Variants in ZCCHC14 observed in about 807,000 individuals in gnomAD.
ZCCHC14 encodes zinc finger CCHC domain-containing protein 14.
In ZCCHC14, 16 loss-of-function variants were observed where a neutral mutation model predicts 85.0. The observed-to-expected ratio is 0.19, with a 90% CI of 0.13 to 0.29. The LOEUF (loss-of-function observed/expected upper bound fraction) is 0.29, where lower values mean the gene tolerates loss of function less well. Among genes scored for constraint, ZCCHC14 ranks in the 10% least tolerant of loss-of-function variants. The pLI is 1.00. For missense variants in ZCCHC14, 1,303 were observed against 1,443.5 expected, an observed-to-expected ratio of 0.90 and a Z score of 1.58; for synonymous variants, 775 against 630.7, an observed-to-expected ratio of 1.23 and a Z score of -3.43.
chr16:87,411,492 G>A, intron 12 of ZCCHC14, 24 bp downstream of exon 12: 4 of 1,611,356 alleles, frequency 2.5e-6, no homozygotes, highest in Non-Finnish European at 2.5e-6. Context: ...GAGCCTGGTG[G>A]GCGCGGCCAT....
chr16:87,421,491 C>A (rs1374461487), intron 4 of ZCCHC14, among the ~76,000 whole-genome samples: 1 of 152,126 alleles, frequency 6.6e-6, no homozygotes, highest in Non-Finnish European at 1.5e-5. Context: ...TGAGGAAGTG[C>A]CACCCCGAAG....
rs933417555 is a variant in ZCCHC14, at chr16:87,491,447, C to G, written c.570+222G>C. Among the ~76,000 whole-genome samples, 15 of 151,596 alleles carry G rather than the reference C, an allele frequency of 9.9e-5. No individual in the cohort carries two copies. Among genetic ancestry groups the G allele is most frequent in the African/African-American group, 3.6e-4 (15 of 41,120 alleles). On this transcript the variant is annotated intron_variant, in intron 1 of 12. Coordinates refer to ENST00000671377, the MANE Select transcript of ZCCHC14 (RefSeq NM_015144.3). This position sits in a 1 kb window ranked among gnomAD's most constrained non-coding sequence, Gnocchi z 5.9. ...GGAGGCTTGGGATGTACGGTGGAGG[C>G]TTGGAGAGGTGGGGCACACATTTGG...
At chr16:87,470,619 A>G (rs995610117) in intron 1 of ZCCHC14, 7 of 152,220 alleles carry the variant, frequency 4.6e-5, no homozygotes, top group African/African-American at 1.7e-4. Flanking sequence ...GTTTGTGTGT[A>G]AGGAGATTTA....
chr16:87,485,434 A>C (rs1447744015), intron 1 of ZCCHC14, among the ~76,000 whole-genome samples: 2 of 152,180 alleles, frequency 1.3e-5, no homozygotes, highest in Non-Finnish European at 2.9e-5. Flanking sequence ...GACTGGAGAA[A>C]AAAATTACCT....
rs369958414 is a variant in ZCCHC14, at chr16:87,423,795, C to T, written c.840+15G>A. 72 of 1,612,458 alleles carry T rather than the reference C, an allele frequency of 4.5e-5. No homozygotes were observed. In the African/African-American group the frequency reaches 8.9e-4, roughly 20 times the overall value. On this transcript the variant is annotated intron_variant, in intron 4 of 12. Coordinates refer to ENST00000671377, the MANE Select transcript of ZCCHC14 (RefSeq NM_015144.3). The stretch of plus-strand genomic sequence containing the variant: ...TGATTCTTTTAATTTTTATAAGAGC[C>T]CTTGATTACCTTACCTTTGAAATAA...
intron 1 of ZCCHC14, among the ~76,000 whole-genome samples, chr16:87,466,192 A>G (rs572488237): frequency 7.7e-4 from 117 of 151,914 alleles, no homozygotes; most frequent in Admixed American, 1.8e-3. Context: ...AGCACCACAC[A>G]GGCTACTTTA....
chr16:87,492,810 C>T lies in ZCCHC14; in HGVS notation c.-572G>A, dbSNP rs1362476606. Among the ~76,000 whole-genome samples, 2 of 147,434 alleles carry T rather than the reference C, an allele frequency of 1.4e-5. No individual in the cohort carries two copies. Among genetic ancestry groups the T allele is most frequent in the East Asian group, 2.0e-4 (1 of 5,106 alleles). ...GGGGGCCGCGGCCGCGAAACGGACG[C>T]TGGAGGGGGAGGGACGCGCGGCGGG... is the stretch of plus-strand genomic sequence containing the variant. On this transcript the variant is annotated 5_prime_UTR_variant, in exon 1 of 13. Transcript: ENST00000671377. The surrounding 1 kb of genome is among the most constrained non-coding windows in gnomAD (Gnocchi z 6.7).
chr16:87,445,376 A>G (rs1910387044), intron 2 of ZCCHC14, among the ~76,000 whole-genome samples: 1 of 152,150 alleles, frequency 6.6e-6, no homozygotes, highest in Admixed American at 6.6e-5. Context: ...AAAATGAACC[A>G]TTTTTAAAGA....
At chr16:87,436,940 G>A (rs1015304688) in intron 2 of ZCCHC14, among the ~76,000 whole-genome samples, 2 of 152,118 alleles carry the variant, frequency 1.3e-5, no homozygotes, top group East Asian at 1.9e-4. Context: ...CTATCTGCAC[G>A]CAGACACTCA....
chr16:87,444,560 T>A (rs1189949570), intron 2 of ZCCHC14, among the ~76,000 whole-genome samples: 1 of 152,182 alleles, frequency 6.6e-6, no homozygotes, highest in African/African-American at 2.4e-5. Context: ...GTGACTGTCA[T>A]CAGTAACGGA....
intron 1 of ZCCHC14, chr16:87,472,461 C>A (rs1162647600): frequency 6.6e-6 from 1 of 152,348 alleles, no homozygotes; most frequent in Non-Finnish European, 1.5e-5. Flanking sequence ...CTCAGAGCTT[C>A]TCTCTCAACA....
intron 1 of ZCCHC14, among the ~76,000 whole-genome samples, chr16:87,460,868 C>A (rs1308616450): frequency 1.3e-5 from 2 of 152,206 alleles, no homozygotes; most frequent in Non-Finnish European, 2.9e-5. Flanking sequence ...TTAAAAACAA[C>A]AGCAAAGAAC....
intron 1 of ZCCHC14, among the ~76,000 whole-genome samples, chr16:87,484,864 G>A (rs961831769): frequency 2.0e-5 from 3 of 152,124 alleles, no homozygotes; most frequent in Admixed American, 6.5e-5. Flanking sequence ...AATACTAGAG[G>A]TCAAAGATTG....
At position 87,438,416 on chromosome 16, in the gene ZCCHC14, G is replaced by A. The variant is rs571105146; in HGVS notation, c.695-5215C>T. On this transcript the variant is annotated intron_variant, in intron 2 of 12. Coordinates refer to ENST00000671377, the MANE Select transcript of ZCCHC14 (RefSeq NM_015144.3). Reference sequence around the variant, plus strand: ...ATAAAAAGCAGCATGTTAGTTTTGTGGGCAATGTGTTTACTTTTTTAGATA... The same window carrying A: ...ATAAAAAGCAGCATGTTAGTTTTGTAGGCAATGTGTTTACTTTTTTAGATA... Among the ~76,000 whole-genome samples the A allele has an allele frequency of 4.0e-4, 61 of 152,342 alleles. 1 individual carries two copies. In the South Asian group the frequency reaches 0.012, roughly 30 times the overall value.
At chr16:87,470,687 A>G (rs1465951644) in intron 1 of ZCCHC14, 2 of 152,260 alleles carry the variant, frequency 1.3e-5, no homozygotes, top group African/African-American at 4.8e-5. Context: ...ACAGATTACT[A>G]TTGAAATAGG....
chr16:87,486,741 C>G (rs753190939), intron 1 of ZCCHC14, among the ~76,000 whole-genome samples: 1 of 152,100 alleles, frequency 6.6e-6, no homozygotes, highest in African/African-American at 2.4e-5. Flanking sequence ...ACAACAACAA[C>G]AAAAAAAGCA....
At position 87,476,384 on chromosome 16, in the gene ZCCHC14, G is replaced by A. The variant is rs1597450626; in HGVS notation, c.570+15285C>T. ...TATTTTCCTCGTAATTTTTTTAAAG[G>A]TACATTCATACTGAAGCAAACAACA... On this transcript the variant is annotated intron_variant, in intron 1 of 12. Coordinates refer to ENST00000671377, the MANE Select transcript of ZCCHC14 (RefSeq NM_015144.3). Among the ~76,000 whole-genome samples, 3 of 152,120 alleles carry A rather than the reference G, an allele frequency of 2.0e-5. No individual in the cohort carries two copies. In the East Asian group the frequency reaches 5.8e-4, roughly 29 times the overall value.
intron 1 of ZCCHC14, among the ~76,000 whole-genome samples, chr16:87,485,914 C>T (rs188327664): frequency 1.3e-4 from 20 of 152,304 alleles, no homozygotes; most frequent in Admixed American, 1.2e-3. Flanking sequence ...ACAAGACTAA[C>T]GCAGATGCCT....
intron 3 of ZCCHC14, 128 bp downstream of exon 3, chr16:87,433,000 T>C: frequency 2.7e-6 from 2 of 728,354 alleles, no homozygotes; most frequent in Non-Finnish European, 3.9e-6. Flanking sequence ...CAGGGCCAGC[T>C]TCCTATACAG....
Sources: gnomAD v4.1 joint callset for allele counts (sites outside exome capture counted in the v4.1 genomes callset) on GRCh38, gnomAD v4.1.1 for gene constraint, Gnocchi (gnomAD v3.1) non-coding constraint, MANE v1.5 for transcripts, NCBI Gene and HGNC (gene_info 2026-07-23, HGNC 2026-07-21) for gene names.